TRIP4: variants seen among roughly 807,000 people sequenced by gnomAD.
The protein encoded by TRIP4 is thyroid hormone receptor interactor 4.
Under a neutral mutation model 81.8 loss-of-function variants are expected in TRIP4, and 54 were observed. The ratio of observed to expected loss-of-function variants is 0.66; its 90% CI spans 0.53 to 0.83. The LOEUF (loss-of-function observed/expected upper bound fraction) is 0.83. TRIP4 is among the 40% of genes least tolerant of loss of function. The pLI is 0.00. For missense variants in TRIP4, 662 were observed against 683.6 expected (o/e 0.97, Z 0.35); for synonymous variants, 270 against 242.8 (o/e 1.11, Z -1.04).
intron 8 of TRIP4, 40 bp downstream of exon 8, chr15:64,414,251 G>A: frequency 1.2e-6 from 2 of 1,608,194 alleles, no homozygotes; most frequent in Non-Finnish European, 1.7e-6. Flanking sequence ...AAGAAGTTTG[G>A]CCCCAATTTT....
At chr15:64,395,755 T>TC (rs769287591) in intron 3 of TRIP4, among the ~76,000 whole-genome samples, 4 of 149,582 alleles carry the variant, frequency 2.7e-5, no homozygotes, top group African/African-American at 7.4e-5. Context: ...TTTTTTTTTT[T>TC]CCCCAAGACA....
intron 11 of TRIP4, among the ~76,000 whole-genome samples, chr15:64,435,004 C>G (rs1466527): frequency 0.75 from 112,310 of 149,816 alleles, 45,218 homozygotes; most frequent in East Asian, 0.96. Context: ...TCACTTGAGC[C>G]CAGGAGTTCG....
chr15:64,395,568 G>A, intron 3 of TRIP4, 37 bp downstream of exon 3: 1 of 1,580,644 alleles, frequency 6.3e-7, no homozygotes, highest in Non-Finnish European at 8.6e-7. Context: ...TCTGACTATT[G>A]GAGAAGAGGA....
chr15:64,440,460 T>TG (rs1226803027), intron 11 of TRIP4, among the ~76,000 whole-genome samples: 2 of 212 alleles, frequency 9.4e-3, no homozygotes. Flanking sequence ...TGTGGTTGTC[T>TG]TTTTTTTTTT....
At chr15:64,393,753 A>C (rs1315285328) in intron 1 of TRIP4, 193 bp from the exon 2 acceptor site, 2 of 400,386 alleles carry the variant, frequency 5.0e-6, no homozygotes, top group East Asian at 7.7e-5. Context: ...TTTCCTACAC[A>C]TAAGTGTATG....
rs547508249 is a variant in TRIP4, at chr15:64,414,337, T to G, written c.1170+126T>G. The G allele has an allele frequency of 3.4e-5, 43 of 1,276,382 alleles. No individual in the cohort carries two copies. The East Asian group carries it at 9.9e-4, about 29-fold the overall frequency. The allele number at this position is 1,276,382 out of a possible 1,614,324, so 79.1% of individuals were successfully genotyped here. ...TCTCAATACACCTGTACCAATCAGC[T>G]CTCTCAACACACCTGCCAACCTTAT... On this transcript the variant is annotated intron_variant, in intron 8 of 12. Coordinates refer to ENST00000261884, the MANE Select transcript of TRIP4 (RefSeq NM_016213.5).
At chr15:64,392,882 T>G (rs1291976618) in intron 1 of TRIP4, among the ~76,000 whole-genome samples, 1 of 152,044 alleles carries the variant, frequency 6.6e-6, no homozygotes. Flanking sequence ...CCCAAATTGT[T>G]GGGATTACAG....
At chr15:64,430,308 C>G (rs1262773707) in intron 11 of TRIP4, among the ~76,000 whole-genome samples, 1 of 152,216 alleles carries the variant, frequency 6.6e-6, no homozygotes, top group African/African-American at 2.4e-5. Context: ...ATGGGTTCAA[C>G]TCAGGGTAAA....
At chr15:64,405,658 T>C (rs1259898613) in intron 5 of TRIP4, among the ~76,000 whole-genome samples, 3 of 152,212 alleles carry the variant, frequency 2.0e-5, no homozygotes, top group Admixed American at 6.5e-5. Flanking sequence ...TTTGTGAAAT[T>C]TTCTTTTTTC....
At chr15:64,402,679 T>G (rs1257631852) in intron 5 of TRIP4, among the ~76,000 whole-genome samples, 2 of 151,542 alleles carry the variant, frequency 1.3e-5, no homozygotes, top group Non-Finnish European at 2.9e-5. Flanking sequence ...GCATGCCACC[T>G]TGTCCAGCTA....
intron 11 of TRIP4, among the ~76,000 whole-genome samples, chr15:64,428,976 A>T (rs1204718668): frequency 2.0e-5 from 3 of 152,114 alleles, no homozygotes; most frequent in Admixed American, 2.0e-4. Context: ...TGTTAGCCCT[A>T]TTTTTATCTT....
intron 11 of TRIP4, among the ~76,000 whole-genome samples, chr15:64,426,687 GAGA>G (rs1425402214): frequency 9.2e-6 from 1 of 108,694 alleles, no homozygotes; most frequent in African/African-American, 3.4e-5. Flanking sequence ...GCGACAGAGT[GAGA>G]CTCTGTCTCA....
At chr15:64,407,362 C>T (rs1005946922) in intron 6 of TRIP4, among the ~76,000 whole-genome samples, 4 of 152,082 alleles carry the variant, frequency 2.6e-5, no homozygotes, top group Non-Finnish European at 2.9e-5. Context: ...CTCAGTAGAA[C>T]GTATTATTAG....
intron 12 of TRIP4, among the ~76,000 whole-genome samples, chr15:64,445,690 A>G (rs932990204): frequency 2.6e-5 from 4 of 151,172 alleles, no homozygotes; most frequent in African/African-American, 9.7e-5. Context: ...AAAAAAAAAA[A>G]ATTTATTGTG....
chr15:64,426,472 G>A (rs1409744182), intron 11 of TRIP4, among the ~76,000 whole-genome samples: 1 of 152,142 alleles, frequency 6.6e-6, no homozygotes, highest in African/African-American at 2.4e-5. Context: ...AGCCAAAGCG[G>A]GTGGATCACT....
intron 11 of TRIP4, among the ~76,000 whole-genome samples, chr15:64,430,193 C>T (rs1892237639): frequency 6.6e-6 from 1 of 152,158 alleles, no homozygotes; most frequent in Non-Finnish European, 1.5e-5. Context: ...TTAGTATGGC[C>T]AACATGACTA....
At chr15:64,447,917 G>C (rs1892669790) in intron 12 of TRIP4, among the ~76,000 whole-genome samples, 1 of 152,084 alleles carries the variant, frequency 6.6e-6, no homozygotes, top group African/African-American at 2.4e-5. Flanking sequence ...TCACTATGTT[G>C]CCCAGTTTGG....
chr15:64,439,763 A>G (rs1892476273), intron 11 of TRIP4, among the ~76,000 whole-genome samples: 1 of 151,576 alleles, frequency 6.6e-6, no homozygotes, highest in Non-Finnish European at 1.5e-5. Context: ...GCCTCAAGCA[A>G]TCCACCTGTC....
At chr15:64,445,412 G>C (rs139151923) in intron 12 of TRIP4, among the ~76,000 whole-genome samples, 6 of 150,068 alleles carry the variant, frequency 4.0e-5, no homozygotes, top group African/African-American at 1.5e-4. Context: ...GGATCACAAG[G>C]TCAAGAGATC....
Sources: allele counts gnomAD v4.1 joint callset (sites outside exome capture counted in the v4.1 genomes callset), GRCh38; gene constraint gnomAD v4.1.1; transcripts MANE v1.5; gene names NCBI Gene and HGNC (gene_info 2026-07-23, HGNC 2026-07-21).